The following SIRPA variants were observed in gnomAD, a reference collection of about 807,000 sequenced individuals.
SIRPA encodes tyrosine-protein phosphatase non-receptor type substrate 1.
A neutral mutation model predicts 50.3 loss-of-function variants in SIRPA; 9 were observed. The observed-to-expected ratio is 0.18, with a 90% CI of 0.11 to 0.31. The LOEUF is 0.31. Among genes scored for constraint, SIRPA ranks in the 10% least tolerant of loss-of-function variants. The probability of loss-of-function intolerance (pLI) is 1.00; values close to 1 mark genes in which losing one functional copy is unlikely to be tolerated. For missense variants in SIRPA, 474 were observed against 661.6 expected (o/e 0.72, Z 3.11); for synonymous variants, 265 against 284.1 (o/e 0.93, Z 0.68).
chr20:1,937,761 C>T lies in SIRPA; in HGVS notation c.*193C>T, dbSNP rs1200806972. 4 of 685,300 alleles carry T rather than the reference C, an allele frequency of 5.8e-6. No homozygotes were observed. The East Asian group carries it at 1.1e-4, about 19-fold the overall frequency. 42.5% of individuals were successfully genotyped at this position (685,300 alleles called of 1,614,324 possible). On this transcript the variant is annotated 3_prime_UTR_variant, in exon 8 of 8. Coordinates refer to ENST00000358771, the MANE Select transcript of SIRPA (RefSeq NM_001040023.2). This position sits in a 1 kb window ranked among gnomAD's most constrained non-coding sequence, Gnocchi z 8.3. ...AGCACTTCCTGGGCAGCCACGGCCC[C>T]CTCCCCCCACATTGCCACATACCTG...
intron 1 of SIRPA, among the ~76,000 whole-genome samples, chr20:1,905,731 G>A (rs548597486): frequency 1.3e-5 from 2 of 152,302 alleles, no homozygotes; most frequent in South Asian, 2.1e-4. Flanking sequence ...CCGGTCCCCC[G>A]AAGCCTGTTA....
At chr20:1,909,271 T>C (rs1035693354) in intron 1 of SIRPA, among the ~76,000 whole-genome samples, 1 of 152,204 alleles carries the variant, frequency 6.6e-6, no homozygotes, top group African/African-American at 2.4e-5. Context: ...GCTTGTGCTG[T>C]GGTGACCCAC....
At position 1,932,511 on chromosome 20, in the gene SIRPA, A is replaced by G. The variant is rs1600458192; in HGVS notation, c.1227-2204A>G. On this transcript the variant is annotated intron_variant, in intron 6 of 7. Coordinates refer to ENST00000358771, the MANE Select transcript of SIRPA (RefSeq NM_001040023.2). The surrounding 1 kb of genome is among the most constrained non-coding windows in gnomAD (Gnocchi z 6.0). ...GGAGCTGGAGCAGAGCAGAGGCAGGAGAGGGATGGAGCCTAGAGCAGTTGG... is the reference window on the plus strand; with the variant it reads ...GGAGCTGGAGCAGAGCAGAGGCAGGGGAGGGATGGAGCCTAGAGCAGTTGG... Among the ~76,000 whole-genome samples the G allele has an allele frequency of 6.6e-6, 1 of 152,338 alleles. No individual in the cohort carries two copies. The highest frequency in any genetic ancestry group is 3.4e-3 in the Middle Eastern group (1 of 294).
In SIRPA at chr20:1,927,778, C is replaced by T; in HGVS notation, c.1202-97C>T. ...AGGATGTGATTACAGCATTTCCTCTCCATGTCCCTGGAGGCAAACCTTTTG... is the reference window on the plus strand; with the variant it reads ...AGGATGTGATTACAGCATTTCCTCTTCATGTCCCTGGAGGCAAACCTTTTG... On this transcript the variant is annotated intron_variant, in intron 5 of 7. Coordinates refer to ENST00000358771, the MANE Select transcript of SIRPA (RefSeq NM_001040023.2). The surrounding 1 kb of genome is among the most constrained non-coding windows in gnomAD (Gnocchi z 6.5). 1 of 1,058,600 alleles carries T rather than the reference C, an allele frequency of 9.4e-7. No homozygotes were observed. Among genetic ancestry groups the T allele is most frequent in the Non-Finnish European group, 1.5e-6 (1 of 674,140 alleles). 65.6% of individuals were successfully genotyped at this position (1,058,600 alleles called of 1,614,324 possible).
At position 1,924,852 on chromosome 20, in the gene SIRPA, C is replaced by T. The variant is rs760394528; in HGVS notation, c.1176C>T (p.Tyr392=). The change falls in exon 5 of 8, where the codon TAC becomes TAT. Residue 392 remains tyrosine (Y), a synonymous_variant. Transcript: ENST00000358771. The surrounding 1 kb of genome is among the most constrained non-coding windows in gnomAD (Gnocchi z 4.5). ...LLVALLMAAL[Y]LVRIRQKKAQ... is the part of the protein sequence containing the mutation. ...TGGCCCTACTGATGGCGGCCCTCTA[C>T]CTCGTCCGAATCAGACAGAAGAAAG... is the stretch of plus-strand genomic sequence containing the variant. The T allele has an allele frequency of 5.0e-6, 8 of 1,614,134 alleles. No individual in the cohort carries two copies. The highest frequency in any genetic ancestry group is 5.1e-6 in the Non-Finnish European group (6 of 1,179,982).
At chr20:1,912,158 G>A (rs1984927706) in intron 1 of SIRPA, among the ~76,000 whole-genome samples, 1 of 151,816 alleles carries the variant, frequency 6.6e-6, no homozygotes, top group African/African-American at 2.4e-5. Context: ...CACAACTCCA[G>A]ATTTTATTGT....
chr20:1,924,855 C>T lies in SIRPA; in HGVS notation c.1179C>T (p.Leu393=), dbSNP rs776244681. ...CCCTACTGATGGCGGCCCTCTACCT[C>T]GTCCGAATCAGACAGAAGAAAGGTG... ...LVALLMAALY[L]VRIRQKKAQG... The change falls in exon 5 of 8, where the codon CTC becomes CTT. Residue 393 remains leucine (L), a synonymous_variant. Coordinates refer to ENST00000358771, the MANE Select transcript of SIRPA (RefSeq NM_001040023.2). The surrounding 1 kb of genome is among the most constrained non-coding windows in gnomAD (Gnocchi z 4.5). 10 of 1,614,080 alleles carry T rather than the reference C, an allele frequency of 6.2e-6. No homozygotes were observed. The highest frequency in any genetic ancestry group is 4.5e-5 in the East Asian group (2 of 44,888).
At position 1,934,827 on chromosome 20, in the gene SIRPA, G is replaced by T; in HGVS notation, c.1266+73G>T. ...TTGCTTCACATCAACCGGAATTGCA[G>T]ATCTGGTTCTAAATTAAGACTCCTT... On this transcript the variant is annotated intron_variant, in intron 7 of 7. Coordinates refer to ENST00000358771, the MANE Select transcript of SIRPA (RefSeq NM_001040023.2). The surrounding 1 kb of genome is among the most constrained non-coding windows in gnomAD (Gnocchi z 4.6). The T allele has an allele frequency of 6.6e-7, 1 of 1,520,978 alleles. No individual in the cohort carries two copies. The highest frequency in any genetic ancestry group is 9.1e-7 in the Non-Finnish European group (1 of 1,095,578). The allele number at this position is 1,520,978 out of a possible 1,614,324, so 94.2% of individuals were successfully genotyped here.
chr20:1,921,988 T>C (rs1377754835), intron 3 of SIRPA, among the ~76,000 whole-genome samples: 1 of 152,230 alleles, frequency 6.6e-6, no homozygotes, highest in Non-Finnish European at 1.5e-5. Context: ...GTACCTACTA[T>C]GAACTAAGCC....
intron 6 of SIRPA, among the ~76,000 whole-genome samples, chr20:1,930,638 T>A (rs1046301064): frequency 2.6e-5 from 4 of 152,350 alleles, no homozygotes; most frequent in South Asian, 2.1e-4. Flanking sequence ...TTGCCCATGC[T>A]GGAGTGCAGT....
At chr20:1,910,403 G>A (rs1172481654) in intron 1 of SIRPA, among the ~76,000 whole-genome samples, 2 of 152,148 alleles carry the variant, frequency 1.3e-5, no homozygotes, top group Non-Finnish European at 2.9e-5. Context: ...AATATATGAT[G>A]TATTATAAAG....
intron 6 of SIRPA, among the ~76,000 whole-genome samples, chr20:1,929,762 A>C (rs76348844): frequency 0.068 from 10,285 of 152,096 alleles, 1,199 homozygotes; most frequent in African/African-American, 0.23. Context: ...TCCTTTTGTC[A>C]TGCTTGTGCC....
rs1986372835 is a variant in SIRPA, at chr20:1,932,961, T to G, written c.1227-1754T>G. Among the ~76,000 whole-genome samples the G allele has an allele frequency of 1.3e-5, 2 of 152,194 alleles. No individual in the cohort carries two copies. The highest frequency in any genetic ancestry group is 2.4e-5 in the African/African-American group (1 of 41,446). Reference sequence around the variant, plus strand: ...AATTGGTTATTGTCTGAAATTGCTTTGAAAGAGAAGAACCCAATGTTTTGA... The same window carrying G: ...AATTGGTTATTGTCTGAAATTGCTTGGAAAGAGAAGAACCCAATGTTTTGA... On this transcript the variant is annotated intron_variant, in intron 6 of 7. Transcript: ENST00000358771. This position sits in a 1 kb window ranked among gnomAD's most constrained non-coding sequence, Gnocchi z 6.0.
Position 1,937,488 on chromosome 20 carries a change from A to G in SIRPA, c.1435A>G (p.Asn479Asp), listed in dbSNP as rs1194044230. The change falls in exon 8 of 8, where the codon AAC (asparagine) becomes GAC (aspartate). Residue 479 changes from asparagine to aspartate, a missense_variant. Asn to Asp is a conservative substitution (Grantham distance 23). This residue lies in a region of SIRPA where 180 missense variants were observed against 206.7 expected (regional missense o/e 0.87). Coordinates refer to ENST00000358771, the MANE Select transcript of SIRPA (RefSeq NM_001040023.2). This position sits in a 1 kb window ranked among gnomAD's most constrained non-coding sequence, Gnocchi z 8.3. ...TYADLDMVHL[N>D]RTPKQPAPKP... ...TGCTGACCTGGACATGGTCCACCTC[A>G]ACCGGACCCCCAAGCAGCCGGCCCC... 1.9e-6 allele frequency: 3 copies of G among 1,614,060 alleles called. No individual in the cohort carries two copies. The highest frequency in any genetic ancestry group is 2.5e-6 in the Non-Finnish European group (3 of 1,180,002).
chr20:1,923,126 TC>T (rs1356419173), intron 4 of SIRPA, among the ~76,000 whole-genome samples: 5 of 152,334 alleles, frequency 3.3e-5, no homozygotes, highest in Admixed American at 6.5e-5. Context: ...TTGTGCATGT[TC>T]CATCCCACAT....
In SIRPA at chr20:1,932,624, C is replaced by T. The variant is rs751594585; in HGVS notation, c.1227-2091C>T. Among the ~76,000 whole-genome samples the T allele has an allele frequency of 1.3e-5, 2 of 152,154 alleles. No homozygotes were observed. Among genetic ancestry groups the T allele is most frequent in the Non-Finnish European group, 2.9e-5 (2 of 68,026 alleles). On this transcript the variant is annotated intron_variant, in intron 6 of 7. Coordinates refer to ENST00000358771, the MANE Select transcript of SIRPA (RefSeq NM_001040023.2). The surrounding 1 kb of genome is among the most constrained non-coding windows in gnomAD (Gnocchi z 6.0). ...CATTCTGAGCAGAAAAGTAACATGA[C>T]ATCACTTATGCATTTCAGATAGGGA...
chr20:1,936,791 C>T lies in SIRPA; in HGVS notation c.1267-529C>T, dbSNP rs1205706163. Among the ~76,000 whole-genome samples, 3 of 152,212 alleles carry T rather than the reference C, an allele frequency of 2.0e-5. No homozygotes were observed. The highest frequency in any genetic ancestry group is 4.4e-5 in the Non-Finnish European group (3 of 68,040). On this transcript the variant is annotated intron_variant, in intron 7 of 7. Coordinates refer to ENST00000358771, the MANE Select transcript of SIRPA (RefSeq NM_001040023.2). The surrounding 1 kb of genome is among the most constrained non-coding windows in gnomAD (Gnocchi z 4.2). ...CATCAGCAGCACCTCCTCAGGCCCC[C>T]AAACAGACATGGTCCTGGGTAGCGG...
intron 2 of SIRPA, among the ~76,000 whole-genome samples, chr20:1,917,874 G>A (rs1985395721): frequency 6.6e-6 from 1 of 152,136 alleles, no homozygotes; most frequent in African/African-American, 2.4e-5. Flanking sequence ...TGGGTACCCT[G>A]GAGGGAGGCT....
chr20:1,897,385 A>G (rs1044204906), intron 1 of SIRPA, among the ~76,000 whole-genome samples: 2 of 152,218 alleles, frequency 1.3e-5, no homozygotes, highest in Non-Finnish European at 2.9e-5. Flanking sequence ...TGCGACCATC[A>G]TAGCTCAAGT....
Sources: allele counts gnomAD v4.1 joint callset (sites outside exome capture counted in the v4.1 genomes callset), GRCh38; gene constraint gnomAD v4.1.1; regional missense constraint gnomAD v4.1.1; non-coding constraint Gnocchi (gnomAD v3.1); transcripts MANE v1.5; gene names NCBI Gene and HGNC (gene_info 2026-07-23, HGNC 2026-07-21).